Variants in RTN1 observed in about 807,000 individuals in gnomAD.
The protein encoded by RTN1 is reticulon-1.
In RTN1, 25 loss-of-function variants were observed where a neutral mutation model predicts 65.5. That is an observed-to-expected ratio of 0.38 (90% CI 0.28 to 0.53). The LOEUF (loss-of-function observed/expected upper bound fraction) is 0.53. RTN1 is among the 20% of genes least tolerant of loss of function. RTN1 has a pLI of 0.79. For synonymous variants in RTN1, 471 were observed against 447.6 expected (o/e 1.05, Z -0.66); for missense variants, 983 against 1,025.4 (o/e 0.96, Z 0.57).
chr14:59,824,210 GT>G (rs1443434548), intron 1 of RTN1, among the ~76,000 whole-genome samples: 3 of 152,164 alleles, frequency 2.0e-5, no homozygotes, highest in Admixed American at 2.0e-4. Flanking sequence ...TTTCAGATTT[GT>G]AAGTACTCCT....
At chr14:59,773,769 G>T (rs1159000377) in intron 1 of RTN1, among the ~76,000 whole-genome samples, 1 of 151,998 alleles carries the variant, frequency 6.6e-6, no homozygotes, top group East Asian at 1.9e-4. Flanking sequence ...CTTTTTTAAA[G>T]CTTACTGTCT....
chr14:59,609,333 T>C (rs1011045302), intron 3 of RTN1, among the ~76,000 whole-genome samples: 1 of 152,052 alleles, frequency 6.6e-6, no homozygotes, highest in African/African-American at 2.4e-5. Context: ...CTTTTCTTTT[T>C]TTTTTTTTGA....
At chr14:59,848,481 G>T (rs1017864946) in intron 1 of RTN1, among the ~76,000 whole-genome samples, 2 of 152,172 alleles carry the variant, frequency 1.3e-5, no homozygotes, top group Non-Finnish European at 2.9e-5. Context: ...AGTTTTAAAA[G>T]AAATTCAAAG....
intron 2 of RTN1, among the ~76,000 whole-genome samples, chr14:59,733,907 T>A (rs944847258): frequency 1.3e-5 from 2 of 152,194 alleles, no homozygotes; most frequent in Non-Finnish European, 2.9e-5. Context: ...TTTAAGTGTG[T>A]CCTTGATCCC....
At chr14:59,704,172 G>T (rs944498255) in intron 3 of RTN1, among the ~76,000 whole-genome samples, 1 of 152,074 alleles carries the variant, frequency 6.6e-6, no homozygotes. Context: ...CTAGCAAAAT[G>T]CTCCTGCAAA....
intron 1 of RTN1, among the ~76,000 whole-genome samples, chr14:59,751,476 T>C (rs1008355294): frequency 5.9e-5 from 9 of 152,116 alleles, no homozygotes. Flanking sequence ...GATATTTGGA[T>C]CCTAGGATTC....
At chr14:59,844,591 AG>A (rs1887372791) in intron 1 of RTN1, among the ~76,000 whole-genome samples, 1 of 152,172 alleles carries the variant, frequency 6.6e-6, no homozygotes, top group Non-Finnish European at 1.5e-5. Context: ...GCAGGAAGAT[AG>A]GGAGAGATGC....
intron 3 of RTN1, among the ~76,000 whole-genome samples, chr14:59,613,385 G>A (rs1882013244): frequency 6.6e-6 from 1 of 152,116 alleles, no homozygotes; most frequent in African/African-American, 2.4e-5. Flanking sequence ...TGCAACCTCT[G>A]TCCCCTGGGT....
intron 1 of RTN1, among the ~76,000 whole-genome samples, chr14:59,750,290 A>ATATATT (rs1885453438): frequency 6.8e-4 from 13 of 19,256 alleles, no homozygotes; most frequent in Admixed American, 9.5e-4. Context: ...TAATATATAT[A>ATATATT]ATATCTATAA....
At chr14:59,674,644 C>CGTGTGTGCCCGTAT (rs1883584146) in intron 3 of RTN1, among the ~76,000 whole-genome samples, 1 of 152,106 alleles carries the variant, frequency 6.6e-6, no homozygotes, top group South Asian at 2.1e-4. Flanking sequence ...AAAGGCTGTA[C>CGTGTGTGCCCGTAT]GTGTGTGCCC....
At chr14:59,859,983 C>T (rs181472162) in intron 1 of RTN1, among the ~76,000 whole-genome samples, 4 of 152,236 alleles carry the variant, frequency 2.6e-5, no homozygotes, top group East Asian at 3.9e-4. Flanking sequence ...CATAAAAGTT[C>T]GGAAAATTTG....
chr14:59,606,126 A>ATATATCTCAATC (rs66961672), intron 4 of RTN1: 3 of 124,124 alleles, frequency 2.4e-5, no homozygotes, highest in Non-Finnish European at 4.8e-5. Context: ...ATATATATAT[A>ATATATCTCAATC]TCATACCAGC....
chr14:59,832,640 C>T (rs1357484013), intron 1 of RTN1, among the ~76,000 whole-genome samples: 1 of 152,228 alleles, frequency 6.6e-6, no homozygotes, highest in African/African-American at 2.4e-5. Context: ...CACCACTACA[C>T]TGGGCATAAT....
chr14:59,689,507 C>T (rs1194012261), intron 3 of RTN1, among the ~76,000 whole-genome samples: 1 of 152,136 alleles, frequency 6.6e-6, no homozygotes, highest in African/African-American at 2.4e-5. Context: ...CATATAGTCA[C>T]CAGACTGTCA....
rs893314807 is a variant in RTN1 at position 59,727,957 on chromosome 14, A to G, written c.1016-289T>C. Reference sequence around the variant, plus strand: ...AAAATGACCCAGCAATATCTTAGCAACAGAATCTCAGTTGGTGTTCCTGTT... The same window carrying G: ...AAAATGACCCAGCAATATCTTAGCAGCAGAATCTCAGTTGGTGTTCCTGTT... On this transcript the variant is annotated intron_variant, in intron 2 of 8. Coordinates refer to ENST00000267484, the MANE Select transcript of RTN1 (RefSeq NM_021136.3). This position sits in a 1 kb window ranked among gnomAD's most constrained non-coding sequence, Gnocchi z 4.2. 6.6e-6 allele frequency among the ~76,000 whole-genome samples: 1 copy of G among 152,218 alleles called. No individual in the cohort carries two copies.
At chr14:59,701,346 G>A (rs1429938476) in intron 3 of RTN1, among the ~76,000 whole-genome samples, 2 of 152,176 alleles carry the variant, frequency 1.3e-5, no homozygotes, top group African/African-American at 4.8e-5. Flanking sequence ...CTGAGAGCAT[G>A]TGTCCTCACA....
intron 1 of RTN1, among the ~76,000 whole-genome samples, chr14:59,845,221 C>A (rs1392483540): frequency 1.3e-5 from 2 of 152,130 alleles, no homozygotes; most frequent in East Asian, 1.9e-4. Context: ...AATCAATACT[C>A]TTTATAACCA....
chr14:59,840,166 GT>G (rs1437411970), intron 1 of RTN1, among the ~76,000 whole-genome samples: 1 of 152,068 alleles, frequency 6.6e-6, no homozygotes, highest in East Asian at 1.9e-4. Flanking sequence ...ATTTTTTAGT[GT>G]TTAGTGTTAG....
intron 2 of RTN1, among the ~76,000 whole-genome samples, chr14:59,732,080 A>T (rs1231001860): frequency 6.6e-6 from 1 of 152,246 alleles, no homozygotes; most frequent in Non-Finnish European, 1.5e-5. Context: ...TGATCTTGGA[A>T]CAGAAACAGA....
Sources: allele counts gnomAD v4.1 joint callset (sites outside exome capture counted in the v4.1 genomes callset), GRCh38; gene constraint gnomAD v4.1.1; non-coding constraint Gnocchi (gnomAD v3.1); transcripts MANE v1.5; gene names NCBI Gene and HGNC (gene_info 2026-07-23, HGNC 2026-07-21).